The following CCSER1 variants were observed in gnomAD, a reference collection of about 807,000 sequenced individuals.
CCSER1 encodes the protein coiled-coil serine rich protein 1, also known as serine-rich coiled-coil domain-containing protein 1.
CCSER1 carries 41 observed loss-of-function variants against 82.0 expected under a neutral mutation model. The ratio of observed to expected loss-of-function variants is 0.50; its 90% CI spans 0.39 to 0.65. The LOEUF (loss-of-function observed/expected upper bound fraction) is 0.65, where lower values mean the gene tolerates loss of function less well. Among genes scored for constraint, CCSER1 ranks in the 30% least tolerant of loss-of-function variants. The pLI is 0.00. For missense variants in CCSER1, 1,119 were observed against 1,064.2 expected (o/e 1.05, Z -0.72); for synonymous variants, 414 against 383.9 (o/e 1.08, Z -0.92).
rs1003778792 is a variant in CCSER1, at chr4:90,328,362, A to G, written c.1509+15315A>G. On this transcript the variant is annotated intron_variant, in intron 3 of 10. Transcript: ENST00000509176. ...CCTTTTTTTTTTGATGTATATTGCT[A>G]TTGTAATTTTTGTTTTTATACAACT... Among the ~76,000 whole-genome samples the G allele has an allele frequency of 1.2e-4, 18 of 151,526 alleles. No homozygotes were observed. In the East Asian group the frequency reaches 1.7e-3, roughly 15 times the overall value.
intron 6 of CCSER1, among the ~76,000 whole-genome samples, chr4:90,712,089 A>G (rs1181178060): frequency 2.0e-5 from 3 of 150,978 alleles, no homozygotes; most frequent in Admixed American, 6.6e-5. Context: ...ATTTTTTTCA[A>G]AAAAGTAGCT....
chr4:90,248,755 T>A (rs115273646), intron 1 of CCSER1, among the ~76,000 whole-genome samples: 1 of 151,654 alleles, frequency 6.6e-6, no homozygotes, highest in Admixed American at 6.6e-5. Context: ...TGGAGTGCAG[T>A]GGTGTGATCA....
intron 10 of CCSER1, among the ~76,000 whole-genome samples, chr4:91,233,027 G>T (rs578200289): frequency 6.6e-6 from 1 of 151,844 alleles, no homozygotes; most frequent in South Asian, 2.1e-4. Context: ...AGCTACTTAG[G>T]ATTGAGGGGA....
At chr4:91,485,676 T>C (rs1009513795) in intron 10 of CCSER1, among the ~76,000 whole-genome samples, 1 of 152,142 alleles carries the variant, frequency 6.6e-6, no homozygotes, top group African/African-American at 2.4e-5. Context: ...TAACATACTA[T>C]ACTTAAAGAA....
intron 10 of CCSER1, among the ~76,000 whole-genome samples, chr4:91,161,860 A>G (rs1358668596): frequency 6.6e-6 from 1 of 152,186 alleles, no homozygotes; most frequent in Non-Finnish European, 1.5e-5. Flanking sequence ...TTTTCTAAAT[A>G]CACAATCATG....
intron 10 of CCSER1, among the ~76,000 whole-genome samples, chr4:91,496,550 T>C (rs1363421017): frequency 8.0e-6 from 1 of 125,712 alleles, no homozygotes; most frequent in African/African-American, 2.9e-5. Flanking sequence ...AGTGGTATAG[T>C]TGGCATAAAT....
At chr4:90,818,114 A>G (rs924185198) in intron 8 of CCSER1, among the ~76,000 whole-genome samples, 4 of 152,186 alleles carry the variant, frequency 2.6e-5, no homozygotes, top group Admixed American at 6.5e-5. Flanking sequence ...AATTAGATGT[A>G]ATTGTACCAA....
At chr4:91,413,515 C>A (rs907737441) in intron 10 of CCSER1, among the ~76,000 whole-genome samples, 19 of 149,698 alleles carry the variant, frequency 1.3e-4, no homozygotes, top group Non-Finnish European at 2.4e-4. Flanking sequence ...CAAAAAAAAA[C>A]AAAAAGAATG....
At chr4:91,186,617 T>G (rs551322201) in intron 10 of CCSER1, among the ~76,000 whole-genome samples, 3 of 152,178 alleles carry the variant, frequency 2.0e-5, no homozygotes, top group African/African-American at 7.2e-5. Flanking sequence ...ATCAGGGGTC[T>G]CACAACCTTC....
At chr4:91,153,294 G>A (rs1291575033) in intron 10 of CCSER1, among the ~76,000 whole-genome samples, 1 of 151,740 alleles carries the variant, frequency 6.6e-6, no homozygotes, top group Non-Finnish European at 1.5e-5. Flanking sequence ...TCTTCCACTT[G>A]ATCGAATCGG....
chr4:91,119,665 C>A (rs1417373540), intron 10 of CCSER1, among the ~76,000 whole-genome samples: 2 of 151,754 alleles, frequency 1.3e-5, no homozygotes, highest in Non-Finnish European at 1.5e-5. Context: ...AAATGTAGGG[C>A]TATTTACTAT....
At chr4:90,279,297 C>T (rs1187810997) in intron 1 of CCSER1, among the ~76,000 whole-genome samples, 1 of 151,734 alleles carries the variant, frequency 6.6e-6, no homozygotes, top group African/African-American at 2.4e-5. Context: ...ACTGTATGCA[C>T]ATAGTTTTAT....
At chr4:90,648,432 A>G (rs1459358374) in intron 6 of CCSER1, among the ~76,000 whole-genome samples, 1 of 152,196 alleles carries the variant, frequency 6.6e-6, no homozygotes, top group Non-Finnish European at 1.5e-5. Context: ...GTTGTAGGGC[A>G]TACTATAAGA....
chr4:90,388,654 A>G (rs1343220270), intron 3 of CCSER1, among the ~76,000 whole-genome samples: 1 of 136,008 alleles, frequency 7.4e-6, no homozygotes, highest in Non-Finnish European at 1.6e-5. Flanking sequence ...TTTTTTTTTG[A>G]GACGAAGTCT....
intron 10 of CCSER1, among the ~76,000 whole-genome samples, chr4:91,332,614 T>A (rs1179624766): frequency 1.5e-4 from 23 of 151,906 alleles, no homozygotes; most frequent in Non-Finnish European, 1.5e-5. Context: ...TTGTAAGGAT[T>A]TATTACAGCG....
In CCSER1 at chr4:91,542,946, C is replaced by A. The variant is rs183755605; in HGVS notation, c.2218-55626C>A. Among the ~76,000 whole-genome samples the A allele has an allele frequency of 7.8e-4, 118 of 152,116 alleles. 1 individual carries two copies. The East Asian group carries it at 0.014, about 18-fold the overall frequency. On this transcript the variant is annotated intron_variant, in intron 10 of 10. Transcript: ENST00000509176. ...ATTGTGTGGGAGTCTAAGTCTCTTT[C>A]TAGGTCTCTAAGAACTTGTTTTATG...
chr4:90,944,180 T>C (rs6815553), intron 9 of CCSER1, among the ~76,000 whole-genome samples: 106,370 of 147,966 alleles, frequency 0.72, 38,481 homozygotes, highest in East Asian at 0.82. Context: ...TGCAGTGAGC[T>C]GAGATGACGC....
intron 10 of CCSER1, among the ~76,000 whole-genome samples, chr4:91,531,274 C>T (rs1275821387): frequency 6.6e-6 from 1 of 152,118 alleles, no homozygotes; most frequent in African/African-American, 2.4e-5. Flanking sequence ...TTCAGAAGAT[C>T]TATGTGATTG....
chr4:91,416,187 C>G (rs961360850), intron 10 of CCSER1, among the ~76,000 whole-genome samples: 1 of 152,020 alleles, frequency 6.6e-6, no homozygotes, highest in African/African-American at 2.4e-5. Flanking sequence ...AACTACTCCT[C>G]AAGGAAATCA....
Sources: gnomAD v4.1 joint callset for allele counts (sites outside exome capture counted in the v4.1 genomes callset) on GRCh38, gnomAD v4.1.1 for gene constraint, MANE v1.5 for transcripts, NCBI Gene and HGNC (gene_info 2026-07-23, HGNC 2026-07-21) for gene names.